The following NETO1 variants were observed in gnomAD, a reference collection of about 807,000 sequenced individuals.
NETO1 encodes the protein neuropilin and tolloid-like protein 1.
Under a neutral mutation model 61.3 loss-of-function variants are expected in NETO1, and 26 were observed. That is an observed-to-expected ratio of 0.42 (90% CI 0.31 to 0.59). The LOEUF is 0.59. Ranked by LOEUF, NETO1 falls within the 20% of genes least tolerant of loss-of-function variation. The pLI is 0.12. For missense variants in NETO1, 531 were observed against 662.8 expected, an observed-to-expected ratio of 0.80 and a Z score of 2.18; for synonymous variants, 225 against 225.8, an observed-to-expected ratio of 1.00 and a Z score of 0.03.
At chr18:72,764,131 T>C (rs1568179858) in intron 7 of NETO1, among the ~76,000 whole-genome samples, 1 of 152,128 alleles carries the variant, frequency 6.6e-6, no homozygotes, top group Non-Finnish European at 1.5e-5. Flanking sequence ...AAGGTGAAAT[T>C]TGGGTGGCGA....
chr18:72,816,863 G>T (rs1340518470), intron 4 of NETO1, among the ~76,000 whole-genome samples: 1 of 151,892 alleles, frequency 6.6e-6, no homozygotes, highest in Non-Finnish European at 1.5e-5. Flanking sequence ...TGCTGCCAAG[G>T]AGTCCATCTA....
intron 4 of NETO1, among the ~76,000 whole-genome samples, chr18:72,798,663 T>G (rs1443154145): frequency 6.6e-6 from 1 of 152,210 alleles, no homozygotes; most frequent in Non-Finnish European, 1.5e-5. Context: ...TCAGTCACAG[T>G]TTTGGTAAGC....
At chr18:72,797,380 A>G (rs2072353088) in intron 4 of NETO1, among the ~76,000 whole-genome samples, 2 of 152,240 alleles carry the variant, frequency 1.3e-5, no homozygotes, top group African/African-American at 2.4e-5. Flanking sequence ...TATGAAAAAA[A>G]TGTTTTTGTA....
chr18:72,813,496 T>C (rs942627998), intron 4 of NETO1, among the ~76,000 whole-genome samples: 5 of 152,076 alleles, frequency 3.3e-5, no homozygotes, highest in Non-Finnish European at 7.4e-5. Context: ...TTCCAAATAG[T>C]AGAACTACCA....
chr18:72,804,161 A>G (rs2072599008), intron 4 of NETO1, among the ~76,000 whole-genome samples: 1 of 152,186 alleles, frequency 6.6e-6, no homozygotes, highest in African/African-American at 2.4e-5. Context: ...TAAATGGCTA[A>G]TATAATAAAT....
At chr18:72,787,308 T>C (rs1175952974) in intron 6 of NETO1, among the ~76,000 whole-genome samples, 1 of 151,628 alleles carries the variant, frequency 6.6e-6, no homozygotes, top group Non-Finnish European at 1.5e-5. Context: ...TTAGGGTAAG[T>C]AAAGAGTGCG....
At position 72,867,266 on chromosome 18, in the gene NETO1, T is replaced by C. The variant is rs375981734; in HGVS notation, c.26A>G (p.His9Arg). The change falls in exon 1 of 11, where the codon CAC becomes CGC. Residue 9 changes from histidine to arginine, a missense_variant and splice_region_variant. Physicochemically the swap from His to Arg is conservative, Grantham distance 29. Coordinates refer to ENST00000327305, the MANE Select transcript of NETO1 (RefSeq NM_138966.5). MIHGRSVL[H>R]IVASLIILHL... ...GGCGCGGCGGGGAGGGTACTCACTG[T>C]GAAGCACGCTGCGCCCATGGATCAT... 24 of 1,563,840 alleles carry C rather than the reference T, an allele frequency of 1.5e-5. No individual in the cohort carries two copies. The highest frequency in any genetic ancestry group is 2.0e-5 in the Non-Finnish European group (23 of 1,155,048).
chr18:72,820,535 A>T (rs1268504384), intron 4 of NETO1, among the ~76,000 whole-genome samples: 1 of 152,238 alleles, frequency 6.6e-6, no homozygotes, highest in Admixed American at 6.5e-5. Context: ...ATAGCTTTGA[A>T]AACTTACAGG....
intron 4 of NETO1, among the ~76,000 whole-genome samples, chr18:72,813,749 A>G: frequency 6.6e-6 from 1 of 152,192 alleles, no homozygotes; most frequent in Middle Eastern, 3.2e-3. Flanking sequence ...GCACAGACAG[A>G]TGAAGAGTGA....
chr18:72,751,775 C>T (rs893171278), intron 8 of NETO1, among the ~76,000 whole-genome samples: 1 of 152,186 alleles, frequency 6.6e-6, no homozygotes, highest in African/African-American at 2.4e-5. Flanking sequence ...TGCCCCGACC[C>T]AGAAGAAGCT....
At chr18:72,800,608 C>A (rs779638201) in intron 4 of NETO1, among the ~76,000 whole-genome samples, 1 of 152,066 alleles carries the variant, frequency 6.6e-6, no homozygotes, top group African/African-American at 2.4e-5. Flanking sequence ...AAATAAAGTG[C>A]ACAATAAATG....
At chr18:72,756,854 G>A (rs1294943353) in intron 7 of NETO1, among the ~76,000 whole-genome samples, 1 of 151,984 alleles carries the variant, frequency 6.6e-6, no homozygotes, top group African/African-American at 2.4e-5. Flanking sequence ...TATAAAATAT[G>A]GCTAAATAAT....
At chr18:72,811,604 G>A (rs1054177001) in intron 4 of NETO1, among the ~76,000 whole-genome samples, 1 of 152,126 alleles carries the variant, frequency 6.6e-6, no homozygotes, top group African/African-American at 2.4e-5. Flanking sequence ...AGGAGTTTGA[G>A]ACCAGCCTAA....
rs115457063 is a variant in NETO1 at position 72,826,705 on chromosome 18, T to C, written c.469+32121A>G. ...AAAAACAACAAGTTACACAAAAAAG[T>C]TGATTAGGAACACACAGGCATGAAG... On this transcript the variant is annotated intron_variant, in intron 4 of 10. Transcript: ENST00000327305. 6.1e-3 allele frequency among the ~76,000 whole-genome samples: 932 copies of C among 152,274 alleles called. 13 individuals carry two copies. Among genetic ancestry groups the C allele is most frequent in the African/African-American group, 0.022 (897 of 41,548 alleles).
intron 1 of NETO1, chr18:72,866,976 C>G (rs979851241): frequency 2.4e-6 from 1 of 411,664 alleles, no homozygotes; most frequent in Admixed American, 4.5e-5. Flanking sequence ...CTCTGCCGCA[C>G]GTGTCCATCC....
chr18:72,819,769 G>A (rs1436679473), intron 4 of NETO1, among the ~76,000 whole-genome samples: 1 of 151,976 alleles, frequency 6.6e-6, no homozygotes, highest in Non-Finnish European at 1.5e-5. Context: ...AACACTACAT[G>A]TAGAGAAAGT....
Position 72,788,656 on chromosome 18 carries a change from A to G in NETO1, c.640-4750T>C, listed in dbSNP as rs144124323. On this transcript the variant is annotated intron_variant, in intron 6 of 10. Coordinates refer to ENST00000327305, the MANE Select transcript of NETO1 (RefSeq NM_138966.5). ...GAATCATTTTGATGCATTCTTTTTAATCAATCATAAAGAGTTGGAGCTGAC... is the reference window on the plus strand; with the variant it reads ...GAATCATTTTGATGCATTCTTTTTAGTCAATCATAAAGAGTTGGAGCTGAC... Among the ~76,000 whole-genome samples, 478 of 152,254 alleles carry G rather than the reference A, an allele frequency of 3.1e-3. 2 individuals carry two copies. The highest frequency in any genetic ancestry group is 0.011 in the African/African-American group (454 of 41,574).
chr18:72,843,571 T>C (rs1027584324), intron 4 of NETO1, among the ~76,000 whole-genome samples: 25 of 152,180 alleles, frequency 1.6e-4, no homozygotes, highest in African/African-American at 6.0e-4. Context: ...GATCTGGTCA[T>C]TTCATATGCG....
intron 4 of NETO1, among the ~76,000 whole-genome samples, chr18:72,832,888 C>A (rs961913936): frequency 1.3e-5 from 2 of 152,018 alleles, no homozygotes; most frequent in African/African-American, 4.8e-5. Flanking sequence ...CAGACAGATA[C>A]ACTTTATAAA....
Sources: allele counts gnomAD v4.1 joint callset (sites outside exome capture counted in the v4.1 genomes callset), GRCh38; gene constraint gnomAD v4.1.1; transcripts MANE v1.5; gene names NCBI Gene and HGNC (gene_info 2026-07-23, HGNC 2026-07-21).